Variants in ATRNL1 observed in about 807,000 individuals in gnomAD.
ATRNL1 encodes the protein attractin like 1, also known as attractin-like protein 1.
ATRNL1 carries 95 observed loss-of-function variants against 182.7 expected under a neutral mutation model. The ratio of observed to expected loss-of-function variants is 0.52; its 90% CI spans 0.44 to 0.62. The LOEUF (loss-of-function observed/expected upper bound fraction) is 0.62, where lower values mean the gene tolerates loss of function less well. Among genes scored for constraint, ATRNL1 ranks in the 20% least tolerant of loss-of-function variants. The probability of loss-of-function intolerance (pLI) is 0.00; values close to 1 mark genes in which losing one functional copy is unlikely to be tolerated. For missense variants in ATRNL1, 1,471 were observed against 1,679.5 expected (o/e 0.88, Z 2.17); for synonymous variants, 576 against 568.3 (o/e 1.01, Z -0.19).
intron 26 of ATRNL1, among the ~76,000 whole-genome samples, chr10:115,710,458 G>T (rs888273588): frequency 1.3e-5 from 2 of 152,078 alleles, no homozygotes; most frequent in Non-Finnish European, 2.9e-5. Flanking sequence ...CCACTGGCAG[G>T]TTACAAAATT....
chr10:115,215,040 C>G (rs566129024), intron 8 of ATRNL1, among the ~76,000 whole-genome samples: 9 of 152,278 alleles, frequency 5.9e-5, no homozygotes, highest in African/African-American at 2.2e-4. Flanking sequence ...GCCAGCACTG[C>G]CATTACTTAC....
chr10:115,733,747 T>A (rs978376777), intron 27 of ATRNL1, among the ~76,000 whole-genome samples: 1 of 152,196 alleles, frequency 6.6e-6, no homozygotes, highest in African/African-American at 2.4e-5. Context: ...TTTCCTTTTT[T>A]CTTATAGCTG....
At chr10:115,212,943 C>T (rs782579251) in intron 8 of ATRNL1, among the ~76,000 whole-genome samples, 2 of 152,030 alleles carry the variant, frequency 1.3e-5, no homozygotes, top group Non-Finnish European at 1.5e-5. Context: ...AACAAACCCC[C>T]GTGACATAGA....
chr10:115,681,668 A>G (rs949738561), intron 26 of ATRNL1, among the ~76,000 whole-genome samples: 1 of 152,110 alleles, frequency 6.6e-6, no homozygotes, highest in African/African-American at 2.4e-5. Context: ...GTCATAATCA[A>G]CTGAGGGGAA....
intron 27 of ATRNL1, among the ~76,000 whole-genome samples, chr10:115,790,857 TA>T (rs1249743975): frequency 3.0e-4 from 46 of 152,328 alleles, no homozygotes; most frequent in Admixed American, 1.6e-3. Flanking sequence ...AAGCTTCACA[TA>T]GATGTTCGTT....
At chr10:115,094,127 G>T (rs2084950018) in intron 1 of ATRNL1, 84 bp downstream of exon 1, 2 of 1,233,124 alleles carry the variant, frequency 1.6e-6, no homozygotes, top group Non-Finnish European at 2.1e-6. Flanking sequence ...GGCCTCCCCC[G>T]CCCCCGTCGC....
At chr10:115,755,886 G>A (rs1279499225) in intron 27 of ATRNL1, among the ~76,000 whole-genome samples, 85 of 152,202 alleles carry the variant, frequency 5.6e-4, no homozygotes, top group Admixed American at 6.5e-5. Flanking sequence ...CTTCTTCCTG[G>A]TTTTGTCTTG....
intron 19 of ATRNL1, among the ~76,000 whole-genome samples, chr10:115,389,538 G>GTATATATATA (rs1270489896): frequency 1.9e-5 from 1 of 51,412 alleles, no homozygotes; most frequent in Non-Finnish European, 3.3e-5. Flanking sequence ...AAATGTGTAT[G>GTATATATATA]TGTATATATA....
intron 28 of ATRNL1, among the ~76,000 whole-genome samples, chr10:115,875,833 G>A (rs1373579065): frequency 1.3e-5 from 2 of 152,128 alleles, no homozygotes; most frequent in South Asian, 2.1e-4. Flanking sequence ...GGGAAATATA[G>A]AGTGGCATGG....
intron 27 of ATRNL1, chr10:115,820,312 A>C (rs1017408897): frequency 6.6e-6 from 1 of 152,144 alleles, no homozygotes; most frequent in African/African-American, 2.4e-5. Context: ...TTCTGTTACA[A>C]TAGAATATAT....
chr10:115,536,519 C>A (rs1852018833), intron 25 of ATRNL1, among the ~76,000 whole-genome samples: 1 of 152,224 alleles, frequency 6.6e-6, no homozygotes, highest in South Asian at 2.1e-4. Context: ...TCTGTCACCC[C>A]TTTCTTTGAC....
intron 13 of ATRNL1, among the ~76,000 whole-genome samples, chr10:115,272,539 G>A (rs1309184285): frequency 1.1e-4 from 17 of 152,250 alleles, no homozygotes; most frequent in African/African-American, 3.9e-4. Flanking sequence ...AAAGAATAAG[G>A]TCACAGGAAT....
intron 27 of ATRNL1, among the ~76,000 whole-genome samples, chr10:115,828,191 C>T (rs1950480991): frequency 6.6e-6 from 1 of 152,138 alleles, no homozygotes; most frequent in Non-Finnish European, 1.5e-5. Context: ...GTGGCGCATG[C>T]CTGTAATCCC....
chr10:115,408,104 C>T (rs1042497045), intron 20 of ATRNL1, among the ~76,000 whole-genome samples: 2 of 149,324 alleles, frequency 1.3e-5, no homozygotes, highest in African/African-American at 5.0e-5. Context: ...CCCGGGTTCA[C>T]GCCATTCTCC....
chr10:115,678,367 T>A (rs1555043712), intron 26 of ATRNL1, among the ~76,000 whole-genome samples: 1 of 152,112 alleles, frequency 6.6e-6, no homozygotes, highest in African/African-American at 2.4e-5. Flanking sequence ...AGAAATAAAC[T>A]ACGAATCTTT....
intron 27 of ATRNL1, among the ~76,000 whole-genome samples, chr10:115,803,581 A>G (rs1313813732): frequency 6.7e-6 from 1 of 148,360 alleles, no homozygotes; most frequent in Admixed American, 6.7e-5. Context: ...TTTGTTTTAG[A>G]AGTTTGGGTT....
intron 3 of ATRNL1, among the ~76,000 whole-genome samples, 194 bp downstream of exon 3, chr10:115,122,006 T>G (rs1373736834): frequency 2.6e-5 from 4 of 152,048 alleles, no homozygotes; most frequent in Non-Finnish European, 2.9e-5. Flanking sequence ...ATAACATAAA[T>G]AAGTACTATA....
At chr10:115,512,365 A>G (rs1850426542) in intron 24 of ATRNL1, among the ~76,000 whole-genome samples, 1 of 151,896 alleles carries the variant, frequency 6.6e-6, no homozygotes, top group Admixed American at 6.6e-5. Flanking sequence ...ATTTCATGTA[A>G]TGCCACCTAA....
intron 24 of ATRNL1, among the ~76,000 whole-genome samples, chr10:115,484,275 T>C (rs1173719477): frequency 6.6e-6 from 1 of 151,630 alleles, no homozygotes; most frequent in Non-Finnish European, 1.5e-5. Context: ...TATCATATTT[T>C]GAATAATCTT....
Sources: allele counts gnomAD v4.1 joint callset (sites outside exome capture counted in the v4.1 genomes callset), GRCh38; gene constraint gnomAD v4.1.1; transcripts MANE v1.5; gene names NCBI Gene and HGNC (gene_info 2026-07-23, HGNC 2026-07-21).